The following PIP5K1B variants were observed in gnomAD, a reference collection of about 807,000 sequenced individuals.
PIP5K1B encodes the protein phosphatidylinositol-4-phosphate 5-kinase type 1 beta.
In PIP5K1B, 42 loss-of-function variants were observed where a neutral mutation model predicts 67.0. The observed-to-expected ratio is 0.63, with a 90% CI of 0.49 to 0.81. The LOEUF is 0.81. PIP5K1B is among the 30% of genes least tolerant of loss of function. The pLI is 0.00. For synonymous variants in PIP5K1B, 214 were observed against 231.4 expected, an observed-to-expected ratio of 0.92 and a Z score of 0.68; for missense variants, 459 against 646.3, an observed-to-expected ratio of 0.71 and a Z score of 3.14.
intron 14 of PIP5K1B, among the ~76,000 whole-genome samples, chr9:68,948,385 A>C (rs968815687): frequency 1.2e-4 from 19 of 152,324 alleles, no homozygotes; most frequent in Non-Finnish European, 1.9e-4. Flanking sequence ...TAATCCCAGC[A>C]CTGTGGGAGG....
At chr9:68,854,098 C>A (rs1405090566) in intron 4 of PIP5K1B, among the ~76,000 whole-genome samples, 2 of 148,146 alleles carry the variant, frequency 1.4e-5, no homozygotes, top group Non-Finnish European at 3.0e-5. Context: ...ACCATTTTTA[C>A]AGATCTATGA....
In PIP5K1B at chr9:68,873,826, A is replaced by C. The variant is rs576911955; in HGVS notation, c.201-2851A>C. On this transcript the variant is annotated intron_variant, in intron 5 of 15. Transcript: ENST00000265382. ...GCTTTTAAATAACAGAGATAATTTG[A>C]ACCCAGGTCTCCCTGGACTATAAAA... is the stretch of plus-strand genomic sequence containing the variant. Among the ~76,000 whole-genome samples the C allele has an allele frequency of 1.4e-3, 214 of 152,282 alleles. 3 individuals are homozygous for C. The highest frequency in any genetic ancestry group is 4.9e-3 in the African/African-American group (204 of 41,562).
chr9:68,918,879 A>C (rs1826231347), intron 9 of PIP5K1B, among the ~76,000 whole-genome samples: 1 of 152,214 alleles, frequency 6.6e-6, no homozygotes, highest in Admixed American at 6.5e-5. Context: ...CTAGCATTGA[A>C]TATAAGGAAA....
At chr9:68,901,199 T>C (rs1825335568) in intron 8 of PIP5K1B, among the ~76,000 whole-genome samples, 1 of 152,198 alleles carries the variant, frequency 6.6e-6, no homozygotes, top group Admixed American at 6.5e-5. Flanking sequence ...TAGACTTCAA[T>C]CAAAACATGA....
intron 2 of PIP5K1B, among the ~76,000 whole-genome samples, chr9:68,759,380 T>C (rs1830084927): frequency 6.6e-6 from 1 of 152,088 alleles, no homozygotes; most frequent in Non-Finnish European, 1.5e-5. Context: ...TACTCTTAAG[T>C]AGACTGTTAA....
At chr9:68,793,186 G>C (rs1587460403) in intron 2 of PIP5K1B, among the ~76,000 whole-genome samples, 1 of 102,210 alleles carries the variant, frequency 9.8e-6, no homozygotes, top group Non-Finnish European at 2.3e-5. Context: ...AATAGTTAGA[G>C]GGGGGTTAGA....
At chr9:68,935,879 A>G (rs139402603) in intron 13 of PIP5K1B, 1 of 152,368 alleles carries the variant, frequency 6.6e-6, no homozygotes, top group Non-Finnish European at 1.5e-5. Context: ...AAGGAAAAAT[A>G]TGGAACGTTT....
Position 68,719,239 on chromosome 9 carries a change from A to G in PIP5K1B, c.-243+13477A>G, listed in dbSNP as rs1007871240. ...ATATTATGGTCTAAAGCAGGATTTC[A>G]TAGACTTTTTCATTTAAGTTAAACA... On this transcript the variant is annotated intron_variant, in intron 1 of 15. Transcript: ENST00000265382. Among the ~76,000 whole-genome samples the G allele has an allele frequency of 8.5e-5, 13 of 152,164 alleles. 1 individual carries two copies. Among genetic ancestry groups the G allele is most frequent in the Admixed American group, 6.5e-5 (1 of 15,282 alleles).
At chr9:68,742,987 T>G (rs537270994) in intron 2 of PIP5K1B, among the ~76,000 whole-genome samples, 6 of 152,326 alleles carry the variant, frequency 3.9e-5, no homozygotes, top group Non-Finnish European at 8.8e-5. Context: ...CAAATCTAAC[T>G]GAAAATATGA....
intron 2 of PIP5K1B, among the ~76,000 whole-genome samples, chr9:68,802,746 C>T (rs7033278): frequency 0.33 from 49,986 of 151,958 alleles, 8,355 homozygotes; most frequent in South Asian, 0.38. Flanking sequence ...AAGAGAACCA[C>T]GCATTCTGAG....
intron 4 of PIP5K1B, among the ~76,000 whole-genome samples, chr9:68,844,226 A>T (rs910287177): frequency 1.3e-5 from 2 of 152,230 alleles, no homozygotes; most frequent in African/African-American, 4.8e-5. Flanking sequence ...CATTCAGCCA[A>T]CACTGAGTTA....
chr9:68,877,473 A>G (rs1302970319), intron 6 of PIP5K1B, among the ~76,000 whole-genome samples: 1 of 152,174 alleles, frequency 6.6e-6, no homozygotes. Flanking sequence ...TCATAATTTG[A>G]TCACTGTTAA....
chr9:68,863,814 T>C, intron 4 of PIP5K1B, 23 bp from the exon 5 acceptor site: 1 of 1,611,962 alleles, frequency 6.2e-7, no homozygotes, highest in African/African-American at 1.3e-5. Context: ...AGACTAATGT[T>C]GAGACCCTTG....
intron 1 of PIP5K1B, among the ~76,000 whole-genome samples, chr9:68,731,603 T>A (rs1828434642): frequency 6.6e-6 from 1 of 152,122 alleles, no homozygotes; most frequent in Admixed American, 6.5e-5. Context: ...TGTCAGGGAA[T>A]TTGCAACAGG....
intron 13 of PIP5K1B, 97 bp from the exon 14 acceptor site, chr9:68,940,549 G>T: frequency 8.6e-7 from 1 of 1,165,690 alleles, no homozygotes; most frequent in Non-Finnish European, 1.2e-6. Context: ...AGCCTGATAG[G>T]TAAAATGAAT....
chr9:68,854,278 C>T (rs1822656155), intron 4 of PIP5K1B, among the ~76,000 whole-genome samples: 1 of 151,790 alleles, frequency 6.6e-6, no homozygotes, highest in Non-Finnish European at 1.5e-5. Flanking sequence ...CTACAGGTGC[C>T]GCCACCATGC....
At chr9:68,866,404 C>A (rs907576107) in intron 5 of PIP5K1B, among the ~76,000 whole-genome samples, 11 of 150,954 alleles carry the variant, frequency 7.3e-5, no homozygotes, top group Non-Finnish European at 1.3e-4. Context: ...AAGTGATACA[C>A]GTGTGTGTGT....
chr9:68,941,169 T>A, intron 14 of PIP5K1B: 1 of 454,612 alleles, frequency 2.2e-6, no homozygotes, highest in Non-Finnish European at 4.4e-6. Context: ...GTATGTGTGA[T>A]CTTAGTGACT....
At chr9:68,779,295 G>A (rs1279310019) in intron 2 of PIP5K1B, among the ~76,000 whole-genome samples, 1 of 152,064 alleles carries the variant, frequency 6.6e-6, no homozygotes, top group Non-Finnish European at 1.5e-5. Flanking sequence ...GCTTGTGCTG[G>A]AACTATGACT....
Sources: gnomAD v4.1 joint callset for allele counts (sites outside exome capture counted in the v4.1 genomes callset) on GRCh38, gnomAD v4.1.1 for gene constraint, MANE v1.5 for transcripts, NCBI Gene and HGNC (gene_info 2026-07-23, HGNC 2026-07-21) for gene names.